The following TANC2 variants were observed in gnomAD, a reference collection of about 807,000 sequenced individuals.
TANC2 encodes the protein tetratricopeptide repeat, ankyrin repeat and coiled-coil containing 2, also known as protein TANC2.
A neutral mutation model predicts 210.5 loss-of-function variants in TANC2; 26 were observed. That is an observed-to-expected ratio of 0.12 (90% CI 0.09 to 0.17). TANC2 has a LOEUF of 0.17. Ranked by LOEUF, TANC2 falls within the 10% of genes least tolerant of loss-of-function variation. The pLI is 1.00. For synonymous variants in TANC2, 931 were observed against 967.1 expected (o/e 0.96, Z 0.69); for missense variants, 2,129 against 2,608.9 (o/e 0.82, Z 4.01).
intron 11 of TANC2, among the ~76,000 whole-genome samples, chr17:63,328,376 A>ATGTGTGTGTGTGTGTGTGTG (rs61546119): frequency 6.8e-6 from 1 of 147,030 alleles, no homozygotes; most frequent in South Asian, 2.2e-4. Flanking sequence ...GTATGTGTAT[A>ATGTGTGTGTGTGTGTGTGTG]TGTGTGTGTG....
intron 9 of TANC2, among the ~76,000 whole-genome samples, chr17:63,311,991 G>A (rs1369259815): frequency 1.3e-5 from 2 of 152,232 alleles, no homozygotes; most frequent in East Asian, 3.9e-4. Flanking sequence ...GGGTGATGAA[G>A]GTATTCGGGA....
intron 1 of TANC2, among the ~76,000 whole-genome samples, chr17:62,982,314 G>T (rs1158490744): frequency 3.3e-5 from 5 of 152,066 alleles, no homozygotes; most frequent in African/African-American, 4.8e-5. Context: ...GGGGACAAAG[G>T]TTCAGCAAAA....
chr17:63,160,499 C>T (rs1305655041), intron 5 of TANC2, among the ~76,000 whole-genome samples: 1 of 152,004 alleles, frequency 6.6e-6, no homozygotes, highest in Non-Finnish European at 1.5e-5. Context: ...CATTTTTTCT[C>T]CTGGTAGGGC....
intron 9 of TANC2, among the ~76,000 whole-genome samples, chr17:63,282,912 G>A (rs1336530684): frequency 5.3e-5 from 8 of 151,846 alleles, no homozygotes; most frequent in Non-Finnish European, 1.0e-4. Context: ...CCTCGTTTAT[G>A]ACTTCTCTTT....
At chr17:63,186,187 T>G (rs552050122) in intron 5 of TANC2, among the ~76,000 whole-genome samples, 22 of 152,300 alleles carry the variant, frequency 1.4e-4, no homozygotes, top group African/African-American at 5.1e-4. Context: ...AGTGAAACTT[T>G]TGTTCTGAAT....
intron 2 of TANC2, among the ~76,000 whole-genome samples, chr17:63,070,014 T>C (rs1242774772): frequency 6.6e-6 from 1 of 152,180 alleles, no homozygotes; most frequent in Admixed American, 6.5e-5. Flanking sequence ...TCATGAAGTG[T>C]TTATGTAAAA....
intron 8 of TANC2, among the ~76,000 whole-genome samples, chr17:63,257,166 A>G (rs2146202003): frequency 6.6e-6 from 1 of 151,636 alleles, no homozygotes; most frequent in East Asian, 1.9e-4. Context: ...TTGATGAGGA[A>G]AGACTTACTC....
chr17:63,333,913 A>G (rs1439014545), intron 11 of TANC2: 1 of 152,226 alleles, frequency 6.6e-6, no homozygotes, highest in East Asian at 1.9e-4. Context: ...AAGTATTTTT[A>G]AATTAGGGTA....
intron 1 of TANC2, among the ~76,000 whole-genome samples, chr17:63,001,597 G>T (rs2033389396): frequency 6.8e-6 from 1 of 147,348 alleles, no homozygotes; most frequent in Admixed American, 6.9e-5. Context: ...CTGTTGCCCA[G>T]GCTGGAGTCC....
intron 4 of TANC2, among the ~76,000 whole-genome samples, chr17:63,139,538 G>A (rs954516538): frequency 3.3e-5 from 5 of 152,180 alleles, no homozygotes; most frequent in Admixed American, 1.3e-4. Flanking sequence ...CCTGACAGGT[G>A]GAGGTTACAG....
intron 2 of TANC2, among the ~76,000 whole-genome samples, chr17:63,052,485 G>T (rs2035617450): frequency 6.6e-6 from 1 of 152,154 alleles, no homozygotes; most frequent in Admixed American, 6.5e-5. Flanking sequence ...GAATGTCATT[G>T]AGTAGTTTGG....
At chr17:62,971,567 T>C (rs980535324) in intron 1 of TANC2, among the ~76,000 whole-genome samples, 1 of 152,230 alleles carries the variant, frequency 6.6e-6, no homozygotes, top group Admixed American at 6.5e-5. Context: ...TGGACTCAAG[T>C]GATCCACCTG....
intron 3 of TANC2, among the ~76,000 whole-genome samples, chr17:63,081,496 G>A (rs543656219): frequency 1.3e-5 from 2 of 152,174 alleles, no homozygotes; most frequent in African/African-American, 4.8e-5. Context: ...CAGTTTGAAG[G>A]TTTTTGAAAA....
Position 63,135,232 on chromosome 17 carries a change from C to A in TANC2, c.323-16038C>A, listed in dbSNP as rs148960143. 2.2e-3 allele frequency among the ~76,000 whole-genome samples: 331 copies of A among 152,184 alleles called. 1 individual carries two copies. The highest frequency in any genetic ancestry group is 7.5e-3 in the African/African-American group (311 of 41,536). On this transcript the variant is annotated intron_variant, in intron 4 of 27. Transcript: ENST00000689528. ...CTAGCTAAAAATAAAAAGCAAAAAA[C>A]CCCACAAAAACAAGTACATCTTGCC...
intron 5 of TANC2, among the ~76,000 whole-genome samples, chr17:63,176,874 G>T (rs1189603442): frequency 1.3e-5 from 2 of 151,050 alleles, no homozygotes; most frequent in African/African-American, 4.9e-5. Flanking sequence ...GAGTGAGTTT[G>T]CCTGCAAAGG....
At chr17:63,097,047 T>C (rs2037413660) in intron 3 of TANC2, among the ~76,000 whole-genome samples, 1 of 151,938 alleles carries the variant, frequency 6.6e-6, no homozygotes, top group South Asian at 2.1e-4. Context: ...AGTTTTTTTT[T>C]TTTTCTTTTT....
intron 3 of TANC2, among the ~76,000 whole-genome samples, chr17:63,093,033 C>G (rs548978821): frequency 3.7e-4 from 56 of 152,146 alleles, no homozygotes; most frequent in Non-Finnish European, 6.5e-4. Context: ...TCAATCGGTA[C>G]TGCTTTTCAT....
At chr17:63,194,747 T>C (rs954264411) in intron 6 of TANC2, among the ~76,000 whole-genome samples, 1 of 152,188 alleles carries the variant, frequency 6.6e-6, no homozygotes, top group Non-Finnish European at 1.5e-5. Flanking sequence ...ACTCAAAGGC[T>C]ACTTAGAAGT....
At chr17:62,984,431 T>A (rs1406996453) in intron 1 of TANC2, among the ~76,000 whole-genome samples, 1 of 152,102 alleles carries the variant, frequency 6.6e-6, no homozygotes, top group Non-Finnish European at 1.5e-5. Flanking sequence ...CTCATTGATC[T>A]TTAGTATTTT....
Sources: gnomAD v4.1 joint callset for allele counts (sites outside exome capture counted in the v4.1 genomes callset) on GRCh38, gnomAD v4.1.1 for gene constraint, MANE v1.5 for transcripts, NCBI Gene and HGNC (gene_info 2026-07-23, HGNC 2026-07-21) for gene names.